Variants in ATCAY observed in about 807,000 individuals in gnomAD.
ATCAY encodes caytaxin.
Under a neutral mutation model 47.7 loss-of-function variants are expected in ATCAY, and 22 were observed. That is an observed-to-expected ratio of 0.46 (90% CI 0.33 to 0.66). The LOEUF is 0.66. Among genes scored for constraint, ATCAY ranks in the 30% least tolerant of loss-of-function variants. ATCAY has a pLI of 0.02. For synonymous variants in ATCAY, 216 were observed against 207.6 expected, an observed-to-expected ratio of 1.04 and a Z score of -0.35; for missense variants, 452 against 515.0, an observed-to-expected ratio of 0.88 and a Z score of 1.18.
chr19:3,920,904 C>G, intron 12 of ATCAY, 106 bp downstream of exon 12: 1 of 1,363,650 alleles, frequency 7.3e-7, no homozygotes. Flanking sequence ...CAGCTGCCAG[C>G]AAATATAAAG....
At chr19:3,902,391 G>T in intron 2 of ATCAY, 96 bp from the exon 3 acceptor site, 1 of 1,141,408 alleles carries the variant, frequency 8.8e-7, no homozygotes, top group South Asian at 1.3e-5. Flanking sequence ...GTTCTTGTCT[G>T]ACTCGCCTGG....
intron 9 of ATCAY, among the ~76,000 whole-genome samples, chr19:3,916,980 G>T (rs1311518098): frequency 6.6e-6 from 1 of 151,810 alleles, no homozygotes; most frequent in Non-Finnish European, 1.5e-5. Flanking sequence ...GCTAATTTTT[G>T]TATTTTTAGT....
intron 10 of ATCAY, 101 bp from the exon 11 acceptor site, chr19:3,918,705 C>A: frequency 7.9e-7 from 1 of 1,269,870 alleles, no homozygotes; most frequent in Non-Finnish European, 1.1e-6. Context: ...AAAACAGGTC[C>A]CAGGGGACAG....
chr19:3,904,108 G>C (rs2145241911), intron 3 of ATCAY, among the ~76,000 whole-genome samples: 1 of 151,990 alleles, frequency 6.6e-6, no homozygotes, highest in South Asian at 2.1e-4. Flanking sequence ...AGCTGAGATT[G>C]TGCCATTGCA....
intron 9 of ATCAY, among the ~76,000 whole-genome samples, chr19:3,914,884 C>G (rs1328928134): frequency 6.6e-6 from 1 of 152,034 alleles, no homozygotes; most frequent in Admixed American, 6.6e-5. Context: ...CAACACCCCC[C>G]CACCGGGTCC....
At chr19:3,895,806 C>T (rs2038765123) in intron 2 of ATCAY, among the ~76,000 whole-genome samples, 2 of 150,074 alleles carry the variant, frequency 1.3e-5, no homozygotes, top group South Asian at 4.2e-4. Context: ...GCCTCAAACT[C>T]CCGGACTCAA....
chr19:3,908,537 C>T (rs1286059315), intron 6 of ATCAY, among the ~76,000 whole-genome samples, 167 bp downstream of exon 6: 1 of 151,930 alleles, frequency 6.6e-6, no homozygotes, highest in Non-Finnish European at 1.5e-5. Context: ...GGCCCTGAGG[C>T]TCACAGTGGC....
intron 2 of ATCAY, among the ~76,000 whole-genome samples, chr19:3,890,505 C>T (rs139564513): frequency 1.3e-5 from 2 of 151,998 alleles, no homozygotes; most frequent in African/African-American, 4.8e-5. Flanking sequence ...TCAAGTGATC[C>T]GCCTACCTCG....
intron 3 of ATCAY, among the ~76,000 whole-genome samples, chr19:3,903,899 G>A (rs1464513433): frequency 1.3e-5 from 2 of 151,182 alleles, no homozygotes; most frequent in Non-Finnish European, 1.5e-5. Flanking sequence ...AGCACTTTGG[G>A]AGGCCGAGGC....
intron 2 of ATCAY, among the ~76,000 whole-genome samples, chr19:3,899,892 G>A (rs941566342): frequency 1.5e-4 from 23 of 152,262 alleles, no homozygotes; most frequent in African/African-American, 5.3e-4. Flanking sequence ...ATCTGGGGCC[G>A]GGTGCGGTGG....
chr19:3,909,723 TG>T (rs2145251583), intron 7 of ATCAY, 106 bp downstream of exon 7: 1 of 1,465,454 alleles, frequency 6.8e-7, no homozygotes, highest in Non-Finnish European at 9.2e-7. Context: ...GAGGCTGAGG[TG>T]GGAAGGTCCC....
intron 8 of ATCAY, 65 bp downstream of exon 8, chr19:3,910,954 C>T (rs1345560183): frequency 1.3e-6 from 2 of 1,541,280 alleles, no homozygotes; most frequent in Non-Finnish European, 1.8e-6. Flanking sequence ...TGTGTGTATG[C>T]ATGCATTTGT....
intron 2 of ATCAY, among the ~76,000 whole-genome samples, chr19:3,898,069 G>A (rs140383052): frequency 5.7e-4 from 87 of 152,066 alleles, no homozygotes; most frequent in Non-Finnish European, 9.7e-4. Context: ...TTTCATCACC[G>A]TGAGAGGAAA....
intron 2 of ATCAY, among the ~76,000 whole-genome samples, chr19:3,888,555 G>A (rs1005569384): frequency 2.0e-5 from 3 of 151,984 alleles, no homozygotes; most frequent in Non-Finnish European, 4.4e-5. Context: ...GCTGGAACTC[G>A]GGAGGCGAAG....
intron 1 of ATCAY, 109 bp from the exon 2 acceptor site, chr19:3,885,618 G>T: frequency 4.9e-6 from 3 of 608,708 alleles, no homozygotes; most frequent in Non-Finnish European, 8.9e-6. Context: ...GAGGGGAAGG[G>T]GGAGGGGGAG....
rs1186340050 is a variant in ATCAY at position 3,924,862 on chromosome 19, G to A, written c.*270G>A. 6.6e-6 allele frequency: 3 copies of A among 453,704 alleles called. No homozygotes were observed. The highest frequency in any genetic ancestry group is 4.0e-5 in the African/African-American group (2 of 50,522). The allele number at this position is 453,704 out of a possible 1,614,324, so 28.1% of individuals were successfully genotyped here. On this transcript the variant is annotated 3_prime_UTR_variant, in exon 13 of 13. Transcript: ENST00000450849. Reference sequence around the variant, plus strand: ...ACCCTTCCACACTCACGAACTCTCAGCCGAGGAAGGCAAGAAGCGCAGGGG... The same window carrying A: ...ACCCTTCCACACTCACGAACTCTCAACCGAGGAAGGCAAGAAGCGCAGGGG...
rs1462209673 is a variant in ATCAY at position 3,907,247 on chromosome 19, C to A, written c.359-487C>A. Among the ~76,000 whole-genome samples the A allele has an allele frequency of 6.6e-6, 1 of 151,966 alleles. No homozygotes were observed. The highest frequency in any genetic ancestry group is 2.4e-5 in the African/African-American group (1 of 41,368). On this transcript the variant is annotated intron_variant, in intron 4 of 12. Transcript: ENST00000450849. This position sits in a 1 kb window ranked among gnomAD's most constrained non-coding sequence, Gnocchi z 5.1. ...ATCGCTTAAGGCCAGGAGTTTGAGACCAGCCTGGGCAACATATTGAAACCC... is the reference window on the plus strand; with the variant it reads ...ATCGCTTAAGGCCAGGAGTTTGAGAACAGCCTGGGCAACATATTGAAACCC...
rs746401881 is a variant in ATCAY at position 3,920,757 on chromosome 19, C to G, written c.1074-9C>G. Reference sequence around the variant, plus strand: ...CAAATAACGCCCAGTCTCCGTCTCTCCTCCACAGGTCTGCTCTGGTCTCAG... The same window carrying G: ...CAAATAACGCCCAGTCTCCGTCTCTGCTCCACAGGTCTGCTCTGGTCTCAG... On this transcript the variant is annotated splice_polypyrimidine_tract_variant and intron_variant, in intron 11 of 12. Transcript: ENST00000450849. The G allele has an allele frequency of 1.9e-6, 3 of 1,610,174 alleles. No homozygotes were observed. Among genetic ancestry groups the G allele is most frequent in the Non-Finnish European group, 2.5e-6 (3 of 1,177,398 alleles).
At chr19:3,904,888 T>C (rs1468272218) in intron 3 of ATCAY, among the ~76,000 whole-genome samples, 1 of 151,782 alleles carries the variant, frequency 6.6e-6, no homozygotes, top group Non-Finnish European at 1.5e-5. Flanking sequence ...GAGATAGAGT[T>C]TCACTCTGTC....
Sources: gnomAD v4.1 joint callset for allele counts (sites outside exome capture counted in the v4.1 genomes callset) on GRCh38, gnomAD v4.1.1 for gene constraint, Gnocchi (gnomAD v3.1) non-coding constraint, MANE v1.5 for transcripts, NCBI Gene and HGNC (gene_info 2026-07-23, HGNC 2026-07-21) for gene names.